LRRC4C: variants seen among roughly 807,000 people sequenced by gnomAD.
LRRC4C encodes leucine rich repeat containing 4C.
Under a neutral mutation model 33.6 loss-of-function variants are expected in LRRC4C, and 5 were observed. That is an observed-to-expected ratio of 0.15 (90% confidence interval 0.08 to 0.31). LRRC4C has a LOEUF of 0.31. Ranked by LOEUF, LRRC4C falls within the 10% of genes least tolerant of loss-of-function variation. The pLI is 1.00. For missense variants in LRRC4C, 560 were observed against 796.7 expected (o/e 0.70, Z 3.58); for synonymous variants, 329 against 302.0 (o/e 1.09, Z -0.93).
At chr11:41,083,431 A>G (rs1425899553) in intron 1 of LRRC4C, among the ~76,000 whole-genome samples, 1 of 152,142 alleles carries the variant, frequency 6.6e-6, no homozygotes, top group Non-Finnish European at 1.5e-5. Context: ...GAACAGAAAC[A>G]TTACACCGAC....
intron 3 of LRRC4C, among the ~76,000 whole-genome samples, chr11:40,369,823 T>C (rs552671203): frequency 6.6e-6 from 1 of 152,282 alleles, no homozygotes; most frequent in South Asian, 2.1e-4. Context: ...TAAAATCTAA[T>C]AGTTTTAAAA....
intron 1 of LRRC4C, among the ~76,000 whole-genome samples, chr11:41,412,424 C>T (rs1207816244): frequency 6.6e-6 from 1 of 152,158 alleles, no homozygotes; most frequent in East Asian, 1.9e-4. Flanking sequence ...CATCGTTTTA[C>T]TTGAAGTTTC....
chr11:41,046,344 A>C (rs7932497), intron 1 of LRRC4C, among the ~76,000 whole-genome samples: 71,391 of 151,810 alleles, frequency 0.47, 17,692 homozygotes, highest in South Asian at 0.65. Context: ...TAGTAAGTAG[A>C]GGGAAAATTT....
intron 1 of LRRC4C, among the ~76,000 whole-genome samples, chr11:41,204,394 G>T (rs1401143152): frequency 1.3e-5 from 2 of 152,170 alleles, no homozygotes; most frequent in Non-Finnish European, 2.9e-5. Context: ...GATTGTGGCA[G>T]AAGCAACTTT....
At chr11:40,557,105 A>T (rs537452965) in intron 3 of LRRC4C, among the ~76,000 whole-genome samples, 29 of 152,246 alleles carry the variant, frequency 1.9e-4, no homozygotes, top group African/African-American at 6.5e-4. Flanking sequence ...GCACATATTG[A>T]TATTGAAATA....
intron 3 of LRRC4C, among the ~76,000 whole-genome samples, chr11:40,375,305 A>C (rs1948612507): frequency 6.6e-6 from 1 of 152,212 alleles, no homozygotes; most frequent in Non-Finnish European, 1.5e-5. Flanking sequence ...AGCATATTCC[A>C]AAAAGGTAAA....
intron 2 of LRRC4C, among the ~76,000 whole-genome samples, chr11:40,649,130 A>G (rs1200411133): frequency 1.3e-5 from 2 of 152,190 alleles, no homozygotes; most frequent in Admixed American, 6.5e-5. Flanking sequence ...CTTGATAAAC[A>G]TCTTAAACAA....
chr11:41,014,250 T>C (rs1373365167), intron 1 of LRRC4C, among the ~76,000 whole-genome samples: 1 of 152,100 alleles, frequency 6.6e-6, no homozygotes, highest in Non-Finnish European at 1.5e-5. Flanking sequence ...TTTCAATGTG[T>C]GAATTTCGGT....
intron 5 of LRRC4C, among the ~76,000 whole-genome samples, chr11:40,210,564 C>T: frequency 6.6e-6 from 1 of 152,024 alleles, no homozygotes. Flanking sequence ...AAATTATCTC[C>T]CTTCTTGGGC....
At chr11:40,965,807 C>A (rs1851318581) in intron 1 of LRRC4C, among the ~76,000 whole-genome samples, 1 of 152,050 alleles carries the variant, frequency 6.6e-6, no homozygotes, top group South Asian at 2.1e-4. Flanking sequence ...TAGCGTGATG[C>A]CTCCAACTTT....
chr11:40,562,388 T>G (rs1417472843), intron 3 of LRRC4C, among the ~76,000 whole-genome samples: 1 of 152,200 alleles, frequency 6.6e-6, no homozygotes, highest in Non-Finnish European at 1.5e-5. Context: ...GAGAGGAATT[T>G]GATGCAGAGG....
intron 2 of LRRC4C, among the ~76,000 whole-genome samples, chr11:40,727,878 A>C (rs1015486449): frequency 3.9e-5 from 6 of 151,928 alleles, no homozygotes; most frequent in Admixed American, 6.6e-5. Flanking sequence ...GCAAAACCCT[A>C]TCTCTACTAA....
chr11:40,355,994 G>GTATAGTATAGTATAGTATAGTATAA (rs1352839349), intron 3 of LRRC4C, among the ~76,000 whole-genome samples: 8 of 151,496 alleles, frequency 5.3e-5, no homozygotes, highest in African/African-American at 1.9e-4. Flanking sequence ...GTATAGTATA[G>GTATAGTATAGTATAGTATAGTATAA]TATGAGATTA....
chr11:40,658,460 T>C (rs1244929298), intron 2 of LRRC4C, among the ~76,000 whole-genome samples: 1 of 152,078 alleles, frequency 6.6e-6, no homozygotes, highest in East Asian at 1.9e-4. Context: ...TGGGTTTCAG[T>C]AGAGAAAGGG....
At chr11:40,257,633 A>G (rs1306958369) in intron 4 of LRRC4C, among the ~76,000 whole-genome samples, 2 of 152,160 alleles carry the variant, frequency 1.3e-5, no homozygotes, top group Non-Finnish European at 2.9e-5. Flanking sequence ...TCCAGCCAAT[A>G]AAACATAAAA....
At chr11:41,054,716 C>T (rs1858489790) in intron 1 of LRRC4C, among the ~76,000 whole-genome samples, 3 of 152,062 alleles carry the variant, frequency 2.0e-5, no homozygotes, top group Admixed American at 2.0e-4. Flanking sequence ...TATTTTGTGC[C>T]AGGCACTGTG....
At chr11:40,781,663 T>A (rs1591705405) in intron 2 of LRRC4C, among the ~76,000 whole-genome samples, 1 of 152,214 alleles carries the variant, frequency 6.6e-6, no homozygotes, top group African/African-American at 2.4e-5. Flanking sequence ...ATCTGGTTCT[T>A]TTACTCCCCC....
At chr11:41,233,733 A>G (rs1947901800) in intron 1 of LRRC4C, among the ~76,000 whole-genome samples, 1 of 152,096 alleles carries the variant, frequency 6.6e-6, no homozygotes, top group Admixed American at 6.6e-5. Flanking sequence ...ATATGAGAAT[A>G]TAGAAAAGCT....
intron 1 of LRRC4C, among the ~76,000 whole-genome samples, chr11:41,170,241 T>C (rs1303107773): frequency 6.6e-6 from 1 of 152,102 alleles, no homozygotes; most frequent in Non-Finnish European, 1.5e-5. Flanking sequence ...CTTCACAGAA[T>C]TGGAAAAAAC....
Sources: gnomAD v4.1 joint callset for allele counts (sites outside exome capture counted in the v4.1 genomes callset) on GRCh38, gnomAD v4.1.1 for gene constraint, MANE v1.5 for transcripts, NCBI Gene and HGNC (gene_info 2026-07-23, HGNC 2026-07-21) for gene names.